Variants in UGT1A7 observed in about 807,000 individuals in gnomAD.
UGT1A7 encodes UDP glucuronosyltransferase family 1 member A7.
A neutral mutation model predicts 45.6 loss-of-function variants in UGT1A7; 33 were observed. The ratio of observed to expected loss-of-function variants is 0.72; its 90% CI spans 0.55 to 0.97. The LOEUF is 0.97. Ranked by LOEUF, UGT1A7 falls within the 50% of genes least tolerant of loss-of-function variation. The probability of loss-of-function intolerance (pLI) is 0.00; values close to 1 mark genes in which losing one functional copy is unlikely to be tolerated. For synonymous variants in UGT1A7, 274 were observed against 250.6 expected (o/e 1.09, Z -0.88); for missense variants, 684 against 666.2 (o/e 1.03, Z -0.29).
chr2:233,766,183 A>T (rs1370975589), intron 1 of UGT1A7, among the ~76,000 whole-genome samples: 1 of 152,070 alleles, frequency 6.6e-6, no homozygotes, highest in African/African-American at 2.4e-5. Flanking sequence ...TATTGAGTGG[A>T]TGTAGCTCTC....
At chr2:233,699,625 C>T (rs1308666244) in intron 1 of UGT1A7, among the ~76,000 whole-genome samples, 1 of 152,194 alleles carries the variant, frequency 6.6e-6, no homozygotes, top group Non-Finnish European at 1.5e-5. Flanking sequence ...AGAATGCAAG[C>T]TCAGGCCTAG....
intron 1 of UGT1A7, chr2:233,755,091 T>A (rs747522597): frequency 1.5e-6 from 2 of 1,335,830 alleles, no homozygotes; most frequent in African/African-American, 3.0e-5. Context: ...ATCGCGTTTC[T>A]ACGCGTCCGA....
intron 3 of UGT1A7, 59 bp from the exon 4 acceptor site, chr2:233,768,161 T>G: frequency 1.2e-6 from 2 of 1,613,420 alleles, no homozygotes; most frequent in East Asian, 2.2e-5. Flanking sequence ...AACCTAGATG[T>G]GTCCAGCTGT....
Position 233,682,709 on chromosome 2 carries a change from G to C in UGT1A7, c.772G>C (p.Val258Leu). 6.2e-7 allele frequency: 1 copy of C among 1,613,798 alleles called. No homozygotes were observed. Among genetic ancestry groups the C allele is most frequent in the Non-Finnish European group, 8.5e-7 (1 of 1,179,780 alleles). The change falls in exon 1 of 5, where the codon GTT becomes CTT. Residue 258 changes from valine (V) to leucine (L), a missense_variant. By Grantham distance (32) the Val-to-Leu change is conservative (BLOSUM62 1). Coordinates refer to ENST00000373426, the MANE Select transcript of UGT1A7 (RefSeq NM_019077.3). ...TSIWLLRTDF[V>L]LEYPKPVMPN... Reference sequence around the variant, plus strand: ...AATTTGGTTGTTGCGAACTGACTTTGTTTTGGAGTATCCCAAACCCGTGAT... The same window carrying C: ...AATTTGGTTGTTGCGAACTGACTTTCTTTTGGAGTATCCCAAACCCGTGAT...
chr2:233,758,179 A>G (rs1285380219), intron 1 of UGT1A7, among the ~76,000 whole-genome samples: 1 of 152,230 alleles, frequency 6.6e-6, no homozygotes, highest in African/African-American at 2.4e-5. Context: ...CAGAGCAGAT[A>G]TTAATTGGAT....
intron 1 of UGT1A7, chr2:233,708,382 G>T (rs1471815158): frequency 6.6e-6 from 1 of 152,124 alleles, no homozygotes; most frequent in African/African-American, 2.4e-5. Flanking sequence ...CGTCTTTTGT[G>T]TGTGTGTGTT....
In UGT1A7 at chr2:233,772,560, G is replaced by A. The variant is rs773424672; in HGVS notation, c.*1G>A. On this transcript the variant is annotated 3_prime_UTR_variant, in exon 5 of 5. Coordinates refer to ENST00000373426, the MANE Select transcript of UGT1A7 (RefSeq NM_019077.3). Reference sequence around the variant, plus strand: ...AGCCCACAAATCCAAGACCCATTGAGAAGTGGGTGGGAAATAAGGTAAAAT... The same window carrying A: ...AGCCCACAAATCCAAGACCCATTGAAAAGTGGGTGGGAAATAAGGTAAAAT... 4 of 1,613,722 alleles carry A rather than the reference G, an allele frequency of 2.5e-6. No homozygotes were observed. The South Asian group carries it at 3.3e-5, about 13-fold the overall frequency.
chr2:233,733,404 C>T (rs2078393693), intron 1 of UGT1A7, among the ~76,000 whole-genome samples: 1 of 152,148 alleles, frequency 6.6e-6, no homozygotes, highest in African/African-American at 2.4e-5. Flanking sequence ...AAAGGGAATG[C>T]TTCCAGTTTT....
intron 1 of UGT1A7, chr2:233,740,604 A>T (rs537335169): frequency 3.9e-5 from 6 of 151,968 alleles, no homozygotes; most frequent in Non-Finnish European, 5.9e-5. Flanking sequence ...ACAGGTCTCC[A>T]GGTCTCTTGG....
rs11902620 is a variant in UGT1A7, at chr2:233,737,991, T to C, written c.856-29043T>C. Among the ~76,000 whole-genome samples, 1,168 of 152,178 alleles carry C rather than the reference T, an allele frequency of 7.7e-3. 15 individuals carry two copies. The highest frequency in any genetic ancestry group is 0.027 in the African/African-American group (1,127 of 41,508). Reference sequence around the variant, plus strand: ...AGATTTAATATGGTTTGGCTCTGTGTCCCCCACCAAATCTCATCTTGAATT... The same window carrying C: ...AGATTTAATATGGTTTGGCTCTGTGCCCCCCACCAAATCTCATCTTGAATT... On this transcript the variant is annotated intron_variant, in intron 1 of 4. Transcript: ENST00000373426.
chr2:233,765,354 C>T (rs147489068), intron 1 of UGT1A7, among the ~76,000 whole-genome samples: 102 of 152,262 alleles, frequency 6.7e-4, no homozygotes, highest in African/African-American at 2.3e-3. Context: ...ATGGAACCAA[C>T]CCAGATGCCC....
rs1233406017 is a variant in UGT1A7 at position 233,718,946 on chromosome 2, CA to C, written c.855+36155del. 88 of 1,614,072 alleles carry C rather than the reference CA, an allele frequency of 5.5e-5. No homozygotes were observed. In the East Asian group the frequency reaches 1.6e-3, roughly 29 times the overall value. ...TGCCCACTGATGGCAGCCCCTGGCT[CA>C]GCATGCGGGAGGCCTTGCGGGAGCT... On this transcript the variant is annotated intron_variant, in intron 1 of 4. Transcript: ENST00000373426.
At chr2:233,747,365 C>A (rs954513567) in intron 1 of UGT1A7, 2 of 1,604,254 alleles carry the variant, frequency 1.2e-6, no homozygotes, top group East Asian at 4.5e-5. Context: ...TGCGGGAGCT[C>A]CATGCCAGAG....
chr2:233,756,814 A>G (rs985210538), intron 1 of UGT1A7, among the ~76,000 whole-genome samples: 39 of 152,110 alleles, frequency 2.6e-4, no homozygotes, highest in Admixed American at 5.2e-4. Flanking sequence ...AGGTCACTCA[A>G]TTCCAAGGGG....
At chr2:233,716,806 G>A (rs1420257230) in intron 1 of UGT1A7, among the ~76,000 whole-genome samples, 2 of 152,272 alleles carry the variant, frequency 1.3e-5, no homozygotes, top group South Asian at 2.1e-4. Flanking sequence ...GTCTCTGGAC[G>A]TTGCTGGGGT....
chr2:233,719,347 T>C, intron 1 of UGT1A7: 1 of 1,613,896 alleles, frequency 6.2e-7, no homozygotes, highest in Non-Finnish European at 8.5e-7. Flanking sequence ...TGGAGGTACA[T>C]TCCATGTGAC....
intron 1 of UGT1A7, chr2:233,760,528 G>A (rs2125985500): frequency 1.2e-6 from 2 of 1,614,248 alleles, no homozygotes; most frequent in East Asian, 4.5e-5. Context: ...GACGTACCCT[G>A]TGCCATTCCA....
chr2:233,744,294 C>T (rs1692766749), intron 1 of UGT1A7, among the ~76,000 whole-genome samples: 1 of 151,800 alleles, frequency 6.6e-6, no homozygotes, highest in Admixed American at 6.5e-5. Context: ...TCTTTTTCCT[C>T]GGCCACAGGA....
chr2:233,762,113 A>C (rs1697972454), intron 1 of UGT1A7, among the ~76,000 whole-genome samples: 1 of 152,166 alleles, frequency 6.6e-6, no homozygotes, highest in Non-Finnish European at 1.5e-5. Flanking sequence ...TCCGCTTCAC[A>C]TCATGAGCCA....
Sources: allele counts gnomAD v4.1 joint callset (sites outside exome capture counted in the v4.1 genomes callset), GRCh38; gene constraint gnomAD v4.1.1; transcripts MANE v1.5; gene names NCBI Gene and HGNC (gene_info 2026-07-23, HGNC 2026-07-21).